Variants in CACNA1E observed in about 807,000 individuals in gnomAD.
CACNA1E encodes voltage-dependent R-type calcium channel subunit alpha-1E.
In CACNA1E, 40 loss-of-function variants were observed where a neutral mutation model predicts 259.2. That is an observed-to-expected ratio of 0.15 (90% CI 0.12 to 0.20). The LOEUF (loss-of-function observed/expected upper bound fraction) is 0.20. Ranked by LOEUF, CACNA1E falls within the 10% of genes least tolerant of loss-of-function variation. CACNA1E has a pLI of 1.00. For missense variants in CACNA1E, 1,874 were observed against 3,040.1 expected, an observed-to-expected ratio of 0.62 and a Z score of 9.02; for synonymous variants, 1,104 against 1,138.5, an observed-to-expected ratio of 0.97 and a Z score of 0.61.
chr1:181,724,569 C>T, intron 17 of CACNA1E, 32 bp downstream of exon 17: 1 of 1,567,394 alleles, frequency 6.4e-7, no homozygotes, highest in South Asian at 1.1e-5. Context: ...TCTGATGTTT[C>T]TCTAGTGCCA....
chr1:181,674,660 G>A (rs548799788), intron 7 of CACNA1E, among the ~76,000 whole-genome samples: 13 of 152,212 alleles, frequency 8.5e-5, no homozygotes, highest in East Asian at 3.9e-4. Flanking sequence ...CTCTTCCTGC[G>A]AGGGCAGTGC....
intron 2 of CACNA1E, among the ~76,000 whole-genome samples, chr1:181,454,058 G>A (rs1187368219): frequency 1.3e-5 from 2 of 152,204 alleles, no homozygotes; most frequent in African/African-American, 2.4e-5. Flanking sequence ...GTGGTTGAAA[G>A]GGTGGGAGAG....
At chr1:181,790,394 C>A in intron 43 of CACNA1E, 51 bp from the exon 44 acceptor site, 1 of 1,190,258 alleles carries the variant, frequency 8.4e-7, no homozygotes, top group Non-Finnish European at 1.3e-6. Context: ...GTGGGAATTG[C>A]TAGTGGCATG....
chr1:181,557,299 G>A (rs969347002), intron 3 of CACNA1E, among the ~76,000 whole-genome samples: 1 of 152,202 alleles, frequency 6.6e-6, no homozygotes, highest in Admixed American at 6.5e-5. Flanking sequence ...CATAGAAAGG[G>A]CTGCTGTGGA....
intron 16 of CACNA1E, among the ~76,000 whole-genome samples, chr1:181,722,076 A>G (rs943873424): frequency 1.3e-5 from 2 of 152,250 alleles, no homozygotes; most frequent in African/African-American, 4.8e-5. Context: ...TAAACAAGAT[A>G]GAGTATTATC....
intron 1 of CACNA1E, among the ~76,000 whole-genome samples, chr1:181,319,103 C>T (rs1045747812): frequency 6.6e-6 from 1 of 152,184 alleles, no homozygotes; most frequent in South Asian, 2.1e-4. Context: ...TCTGGCTGCT[C>T]AGAGCAGATG....
At chr1:181,351,836 T>G (rs1022324825) in intron 1 of CACNA1E, among the ~76,000 whole-genome samples, 38 of 152,228 alleles carry the variant, frequency 2.5e-4, no homozygotes, top group African/African-American at 9.2e-4. Context: ...CATCTCAAGA[T>G]CCTCAACTCA....
chr1:181,646,931 G>C (rs1291269070), intron 6 of CACNA1E, among the ~76,000 whole-genome samples: 1 of 152,222 alleles, frequency 6.6e-6, no homozygotes, highest in Non-Finnish European at 1.5e-5. Context: ...TGTGCAGGTG[G>C]GCTGCCGCCC....
intron 1 of CACNA1E, among the ~76,000 whole-genome samples, chr1:181,395,178 G>A (rs1161387929): frequency 1.3e-5 from 2 of 152,142 alleles, no homozygotes; most frequent in South Asian, 4.1e-4. Context: ...TGGATGGTGA[G>A]AAGTGACTCG....
rs579105 is a variant in CACNA1E at position 181,785,178 on chromosome 1, G to C, written c.5579-140G>C. On this transcript the variant is annotated intron_variant, in intron 41 of 47. Transcript: ENST00000367573. Reference sequence around the variant, plus strand: ...GCATCCTCAGATCCTGGCACCATGGGGGCCCTCAATATACATTGGATGAAT... The same window carrying C: ...GCATCCTCAGATCCTGGCACCATGGCGGCCCTCAATATACATTGGATGAAT... 0.21 allele frequency: 135,259 copies of C among 649,446 alleles called. 14,796 individuals carry two copies. Among genetic ancestry groups the C allele is most frequent in the South Asian group, 0.3 (16,664 of 54,946 alleles). The allele number at this position is 649,446 out of a possible 1,614,324, so 40.2% of individuals were successfully genotyped here.
intron 1 of CACNA1E, among the ~76,000 whole-genome samples, chr1:181,487,561 A>G (rs1037498148): frequency 6.6e-6 from 1 of 152,202 alleles, no homozygotes; most frequent in Non-Finnish European, 1.5e-5. Flanking sequence ...AAAAATGCTA[A>G]TGTGATTTAA....
At chr1:181,564,887 CTT>C (rs34262228) in intron 3 of CACNA1E, among the ~76,000 whole-genome samples, 15 of 147,370 alleles carry the variant, frequency 1.0e-4, no homozygotes, top group South Asian at 2.1e-4. Flanking sequence ...TGAAAGGAAT[CTT>C]TTTTTTTTTT....
At chr1:181,643,415 T>C (rs1300624652) in intron 6 of CACNA1E, among the ~76,000 whole-genome samples, 1 of 152,224 alleles carries the variant, frequency 6.6e-6, no homozygotes. Flanking sequence ...GTGCCCACTT[T>C]TGCAGACCCT....
chr1:181,499,156 A>C (rs1461951932), intron 1 of CACNA1E, among the ~76,000 whole-genome samples: 1 of 152,202 alleles, frequency 6.6e-6, no homozygotes, highest in Non-Finnish European at 1.5e-5. Context: ...AGCAGATCTC[A>C]GCAGATGGGA....
At chr1:181,572,479 CATG>C (rs1230409036) in intron 3 of CACNA1E, among the ~76,000 whole-genome samples, 1 of 152,184 alleles carries the variant, frequency 6.6e-6, no homozygotes, top group Non-Finnish European at 1.5e-5. Context: ...GTGTGCAGAA[CATG>C]ATACCTGTGC....
intron 1 of CACNA1E, among the ~76,000 whole-genome samples, chr1:181,344,706 G>A (rs1219391739): frequency 1.3e-5 from 2 of 152,168 alleles, no homozygotes; most frequent in Admixed American, 6.5e-5. Context: ...CATGAATGTT[G>A]GAGGAGTCCT....
intron 27 of CACNA1E, 113 bp downstream of exon 27, chr1:181,752,352 C>A: frequency 2.6e-6 from 2 of 769,126 alleles, no homozygotes; most frequent in Non-Finnish European, 4.5e-6. Flanking sequence ...TTTTCTCACA[C>A]GGATATCGAA....
intron 1 of CACNA1E, among the ~76,000 whole-genome samples, chr1:181,331,532 G>A (rs961408670): frequency 3.3e-5 from 5 of 152,138 alleles, no homozygotes; most frequent in Non-Finnish European, 5.9e-5. Flanking sequence ...CAAGCCTTCA[G>A]CTAATTGGAT....
chr1:181,476,532 A>C (rs766437814), intron 2 of CACNA1E, among the ~76,000 whole-genome samples: 33 of 152,276 alleles, frequency 2.2e-4, no homozygotes, highest in African/African-American at 7.0e-4. Flanking sequence ...TTCAAGAGTG[A>C]AATGTAGGGA....
Sources: allele counts gnomAD v4.1 joint callset (sites outside exome capture counted in the v4.1 genomes callset), GRCh38; gene constraint gnomAD v4.1.1; transcripts MANE v1.5; gene names NCBI Gene and HGNC (gene_info 2026-07-23, HGNC 2026-07-21).